ARMC9: variants seen among roughly 807,000 people sequenced by gnomAD.
The protein encoded by ARMC9 is lisH domain-containing protein ARMC9.
ARMC9 carries 94 observed loss-of-function variants against 107.0 expected under a neutral mutation model. That is an observed-to-expected ratio of 0.88 (90% CI 0.74 to 1.04). The LOEUF is 1.04. Ranked by LOEUF, ARMC9 falls within the 50% of genes least tolerant of loss-of-function variation. The pLI is 0.00. For synonymous variants in ARMC9, 380 were observed against 396.9 expected, an observed-to-expected ratio of 0.96 and a Z score of 0.51; for missense variants, 942 against 1,030.1, an observed-to-expected ratio of 0.91 and a Z score of 1.17.
chr2:231,240,665 C>T (rs2036211561), intron 9 of ARMC9, among the ~76,000 whole-genome samples: 1 of 152,084 alleles, frequency 6.6e-6, no homozygotes, highest in African/African-American at 2.4e-5. Flanking sequence ...ATACAGTTAC[C>T]AACTTCAGTA....
At chr2:231,199,508 G>A (rs1403664943) in intron 1 of ARMC9, among the ~76,000 whole-genome samples, 1 of 152,192 alleles carries the variant, frequency 6.6e-6, no homozygotes, top group African/African-American at 2.4e-5. Context: ...TGGCTGTTGG[G>A]AGTGTGTCAG....
chr2:231,206,398 G>A (rs2031997123), intron 2 of ARMC9, 109 bp downstream of exon 2: 1 of 915,292 alleles, frequency 1.1e-6, no homozygotes, highest in East Asian at 2.7e-5. Context: ...CTATTGTTAT[G>A]TTGGAGCTAT....
In ARMC9 at chr2:231,373,460, G is replaced by A. The variant is rs1372188318; in HGVS notation, c.*1925G>A. 2.0e-5 allele frequency: 3 copies of A among 152,258 alleles called. No homozygotes were observed. The highest frequency in any genetic ancestry group is 4.4e-5 in the Non-Finnish European group (3 of 68,108). 9.4% of individuals were successfully genotyped at this position (152,258 alleles called of 1,614,324 possible). A position where few individuals can be genotyped will look rare whatever the true frequency, so the allele number is the denominator to read the frequency against. On this transcript the variant is annotated 3_prime_UTR_variant, in exon 25 of 25. Transcript: ENST00000611582. The surrounding 1 kb of genome is among the most constrained non-coding windows in gnomAD (Gnocchi z 4.4). The stretch of plus-strand genomic sequence containing the variant: ...TGGGAGAATCATCGGGGTCAGGTCA[G>A]TGTCTCCCTCGTCTGAAGTCAACCA...
intron 17 of ARMC9, chr2:231,288,721 G>T: frequency 4.2e-6 from 2 of 471,212 alleles, no homozygotes; most frequent in South Asian, 3.1e-5. Context: ...AAGGCTGAAA[G>T]GTGAAATCCT....
chr2:231,220,176 T>G (rs2125329646), intron 5 of ARMC9, among the ~76,000 whole-genome samples: 1 of 152,360 alleles, frequency 6.6e-6, no homozygotes, highest in Admixed American at 6.5e-5. Flanking sequence ...TTCTTTAACC[T>G]TTTCATTGAA....
chr2:231,239,759 G>A (rs770574971), intron 8 of ARMC9, among the ~76,000 whole-genome samples, 184 bp from the exon 9 acceptor site: 7 of 152,180 alleles, frequency 4.6e-5, no homozygotes, highest in Admixed American at 2.0e-4. Context: ...TGTCAGGGCC[G>A]GTACTTTCAC....
chr2:231,321,441 G>GT (rs1211836105), intron 19 of ARMC9, among the ~76,000 whole-genome samples: 1 of 152,196 alleles, frequency 6.6e-6, no homozygotes, highest in African/African-American at 2.4e-5. Context: ...TTTTCCTGAG[G>GT]TTTTTTCTGT....
intron 12 of ARMC9, chr2:231,270,749 G>A: frequency 1.5e-6 from 1 of 650,762 alleles, no homozygotes; most frequent in South Asian, 1.5e-5. Context: ...TGTTCTGAGG[G>A]CTTCGTGTAA....
chr2:231,337,275 T>C (rs1345933924), intron 20 of ARMC9, among the ~76,000 whole-genome samples: 1 of 59,036 alleles, frequency 1.7e-5, no homozygotes, highest in Admixed American at 2.1e-4. Context: ...TGTGTGTATA[T>C]ATATATATAT....
intron 18 of ARMC9, chr2:231,294,322 CAGGG>C (rs1279101255): frequency 2.0e-5 from 3 of 152,356 alleles, no homozygotes; most frequent in Admixed American, 1.3e-4. Flanking sequence ...TGCCAGCCCT[CAGGG>C]AGGGGAACCA....
chr2:231,288,662 C>A (rs1327223534), intron 17 of ARMC9: 1 of 471,034 alleles, frequency 2.1e-6, no homozygotes, highest in Non-Finnish European at 4.4e-6. Context: ...CCTCAAAGGT[C>A]CCCTGAAGGA....
intron 5 of ARMC9, among the ~76,000 whole-genome samples, chr2:231,218,200 G>A (rs1029483052): frequency 2.6e-5 from 4 of 152,120 alleles, no homozygotes; most frequent in Non-Finnish European, 5.9e-5. Context: ...CTTTTGTAGA[G>A]TAGCCCAAGT....
chr2:231,237,701 T>C (rs1328306845), intron 8 of ARMC9, among the ~76,000 whole-genome samples: 1 of 148,126 alleles, frequency 6.8e-6, no homozygotes, highest in African/African-American at 2.5e-5. Context: ...TTTAGATTTC[T>C]TTAATTATGT....
At chr2:231,267,244 A>AT (rs1361776270) in intron 12 of ARMC9, among the ~76,000 whole-genome samples, 1 of 151,752 alleles carries the variant, frequency 6.6e-6, no homozygotes, top group African/African-American at 2.4e-5. Context: ...TTTTTTTTTA[A>AT]TTTTTTGAGA....
At chr2:231,217,805 C>T (rs940189669) in intron 5 of ARMC9, among the ~76,000 whole-genome samples, 2 of 152,100 alleles carry the variant, frequency 1.3e-5, no homozygotes, top group African/African-American at 4.8e-5. Flanking sequence ...ATTCTCTTGC[C>T]TCAGCCTCCT....
chr2:231,371,043 A>G (rs2046000536), intron 24 of ARMC9: 1 of 456,254 alleles, frequency 2.2e-6, no homozygotes, highest in Non-Finnish European at 4.4e-6. Flanking sequence ...TCCCACTGGG[A>G]AACACACCCA....
rs1234697323 is a variant in ARMC9 at position 231,255,506 on chromosome 2, G to A, written c.880-1080G>A. Among the ~76,000 whole-genome samples, 2 of 152,038 alleles carry A rather than the reference G, an allele frequency of 1.3e-5. No homozygotes were observed. Among genetic ancestry groups the A allele is most frequent in the Non-Finnish European group, 2.9e-5 (2 of 68,012 alleles). On this transcript the variant is annotated intron_variant, in intron 9 of 24. Transcript: ENST00000611582. The surrounding 1 kb of genome is among the most constrained non-coding windows in gnomAD (Gnocchi z 4.7). ...GGAGTTTGGTCAGGGAGAACCCATC[G>A]TTTTCCATAGAGGATTTTTTTTTGT...
In ARMC9 at chr2:231,208,192, A is replaced by G. The variant is rs1200974888; in HGVS notation, c.117A>G (p.Gly39=). 1.9e-6 allele frequency: 3 copies of G among 1,610,558 alleles called. No homozygotes were observed. Among genetic ancestry groups the G allele is most frequent in the Non-Finnish European group, 8.5e-7 (1 of 1,178,618 alleles). ...KTFSKECKIK[G]KPLCKTVGGS... is the part of the protein sequence containing the mutation. ...TTTCAAAAGAATGCAAAATAAAAGGAAAACCATTGTGTAAAACAGTAGGCG... is the reference window on the plus strand; with the variant it reads ...TTTCAAAAGAATGCAAAATAAAAGGGAAACCATTGTGTAAAACAGTAGGCG... The change falls in exon 3 of 25, where the codon GGA becomes GGG. Residue 39 remains glycine, a synonymous_variant. Coordinates refer to ENST00000611582, the MANE Select transcript of ARMC9 (RefSeq NM_001352754.2).
At chr2:231,364,531 T>C (rs2045729369) in intron 23 of ARMC9, among the ~76,000 whole-genome samples, 1 of 152,160 alleles carries the variant, frequency 6.6e-6, no homozygotes, top group Non-Finnish European at 1.5e-5. Context: ...CAACACATGC[T>C]CATGCCTGGA....
Sources: allele counts gnomAD v4.1 joint callset (sites outside exome capture counted in the v4.1 genomes callset), GRCh38; gene constraint gnomAD v4.1.1; non-coding constraint Gnocchi (gnomAD v3.1); transcripts MANE v1.5; gene names NCBI Gene and HGNC (gene_info 2026-07-23, HGNC 2026-07-21).